The following TRIM54 variants were observed in gnomAD, a reference collection of about 807,000 sequenced individuals.
TRIM54 encodes tripartite motif containing 54.
TRIM54 carries 40 observed loss-of-function variants against 42.0 expected under a neutral mutation model. The ratio of observed to expected loss-of-function variants is 0.95; its 90% CI spans 0.74 to 1.24. The LOEUF is 1.24. Ranked by LOEUF, TRIM54 falls within the 50% of genes most tolerant of loss-of-function variation. The pLI, the probability that TRIM54 is intolerant of heterozygous loss-of-function variation, is 0.00. For synonymous variants in TRIM54, 199 were observed against 194.9 expected (o/e 1.02, Z -0.17); for missense variants, 485 against 480.3 (o/e 1.01, Z -0.09).
chr2:27,286,329 G>T (rs1273456323), intron 1 of TRIM54, among the ~76,000 whole-genome samples: 2 of 151,774 alleles, frequency 1.3e-5, no homozygotes, highest in African/African-American at 4.8e-5. Flanking sequence ...TTTACATAGT[G>T]GCCATCTTAA....
chr2:27,284,407 C>T (rs570887649), intron 1 of TRIM54, among the ~76,000 whole-genome samples: 1 of 152,162 alleles, frequency 6.6e-6, no homozygotes, highest in Admixed American at 6.5e-5. Flanking sequence ...TGCTCTGTGC[C>T]ACCTTCACTG....
Position 27,307,227 on chromosome 2 carries a change from T to G in TRIM54, c.*342T>G. 2.1e-6 allele frequency: 1 copy of G among 470,004 alleles called. No individual in the cohort carries two copies. Among genetic ancestry groups the G allele is most frequent in the Non-Finnish European group, 3.8e-6 (1 of 262,318 alleles). 29.1% of individuals were successfully genotyped at this position (470,004 alleles called of 1,614,324 possible). On this transcript the variant is annotated 3_prime_UTR_variant, in exon 9 of 9. Coordinates refer to ENST00000380075, the MANE Select transcript of TRIM54 (RefSeq NM_187841.3). The surrounding 1 kb of genome is among the most constrained non-coding windows in gnomAD (Gnocchi z 6.9). ...GGCGGTGGTGCCGGGACCTCTGAGG[T>G]CCTGGGGATTTGGGGACCCTTGGGG...
rs112702645 is a variant in TRIM54 at position 27,299,675 on chromosome 2, CCTATCTAT to C, written c.513+293_513+300del. ...ATAGATGTGAGCCACCGCACTCAGC[CCTATCTAT>C]CTATCTATCTATCTATCTATCTATC... On this transcript the variant is annotated intron_variant, in intron 3 of 8. Coordinates refer to ENST00000380075, the MANE Select transcript of TRIM54 (RefSeq NM_187841.3). The C allele has an allele frequency of 3.6e-4, 211 of 579,682 alleles. 1 individual carries two copies. Among genetic ancestry groups the C allele is most frequent in the East Asian group, 1.3e-3 (48 of 36,022 alleles). 35.9% of individuals were successfully genotyped at this position (579,682 alleles called of 1,614,324 possible).
intron 1 of TRIM54, among the ~76,000 whole-genome samples, chr2:27,294,685 A>T (rs957165463): frequency 3.3e-5 from 5 of 151,786 alleles, no homozygotes; most frequent in African/African-American, 1.2e-4. Flanking sequence ...AGGTCAGGAG[A>T]TTGAGACCAT....
chr2:27,303,803 C>T (rs566250436), intron 3 of TRIM54, among the ~76,000 whole-genome samples: 1 of 152,128 alleles, frequency 6.6e-6, no homozygotes, highest in Non-Finnish European at 1.5e-5. Context: ...TTTAGGACCC[C>T]CCACAAAAGC....
At position 27,306,761 on chromosome 2, in the gene TRIM54, T is replaced by A. The variant is rs1311525076; in HGVS notation, c.*2-126T>A. Reference sequence around the variant, plus strand: ...CTCACCCGCTGTTCCTCTGGGGTGCTGGGAGGGCAGGCAAGGCAGGCTGAG... The same window carrying A: ...CTCACCCGCTGTTCCTCTGGGGTGCAGGGAGGGCAGGCAAGGCAGGCTGAG... On this transcript the variant is annotated intron_variant, in intron 8 of 8. Transcript: ENST00000380075. This position sits in a 1 kb window ranked among gnomAD's most constrained non-coding sequence, Gnocchi z 6.1. 5 of 596,818 alleles carry A rather than the reference T, an allele frequency of 8.4e-6. No homozygotes were observed. The highest frequency in any genetic ancestry group is 1.2e-5 in the Non-Finnish European group (4 of 342,162). 37.0% of individuals were successfully genotyped at this position (596,818 alleles called of 1,614,324 possible).
At chr2:27,293,102 T>G (rs1678762771) in intron 1 of TRIM54, among the ~76,000 whole-genome samples, 1 of 152,264 alleles carries the variant, frequency 6.6e-6, no homozygotes, top group Non-Finnish European at 1.5e-5. Flanking sequence ...TATCTGTCCC[T>G]TGTTTGTCAA....
At chr2:27,296,251 T>C (rs1052977531) in intron 1 of TRIM54, among the ~76,000 whole-genome samples, 1 of 152,194 alleles carries the variant, frequency 6.6e-6, no homozygotes, top group Non-Finnish European at 1.5e-5. Context: ...CCAAACTGTC[T>C]TCTGGTTTGT....
intron 1 of TRIM54, among the ~76,000 whole-genome samples, chr2:27,288,840 C>G (rs1237446214): frequency 1.3e-5 from 2 of 152,194 alleles, no homozygotes; most frequent in Non-Finnish European, 2.9e-5. Flanking sequence ...TTCCTCTACA[C>G]ATCACATCAT....
chr2:27,283,770 ACACACACACGCGCG>A (rs1248755961), intron 1 of TRIM54, among the ~76,000 whole-genome samples: 1,288 of 100,484 alleles, frequency 0.013, 30 homozygotes, highest in African/African-American at 0.056. Context: ...AAAGGCACAC[ACACACACACGCGCG>A]CACACACACA....
In TRIM54 at chr2:27,306,557, A is replaced by G. The variant is rs949447038; in HGVS notation, c.*1+15A>G. 1 of 1,532,802 alleles carries G rather than the reference A, an allele frequency of 6.5e-7. No homozygotes were observed. The highest frequency in any genetic ancestry group is 8.8e-7 in the Non-Finnish European group (1 of 1,139,020). 95.0% of individuals were successfully genotyped at this position (1,532,802 alleles called of 1,614,324 possible). A position where few individuals can be genotyped will look rare whatever the true frequency, so the allele number is the denominator to read the frequency against. The stretch of plus-strand genomic sequence containing the variant: ...TGGGCCTTAAGGTGAGAGCCGCCCG[A>G]TGGGCCTTAAGGTGAGAGCGGCCTG... On this transcript the variant is annotated intron_variant, in intron 8 of 8. Transcript: ENST00000380075. The surrounding 1 kb of genome is among the most constrained non-coding windows in gnomAD (Gnocchi z 6.1).
chr2:27,296,463 C>T (rs571501429), intron 1 of TRIM54, among the ~76,000 whole-genome samples: 18 of 152,304 alleles, frequency 1.2e-4, no homozygotes, highest in Admixed American at 6.5e-4. Context: ...GCTTTATTCT[C>T]AAGTGAAAGT....
At chr2:27,305,918 C>G in intron 5 of TRIM54, 101 bp downstream of exon 5, 2 of 1,369,892 alleles carry the variant, frequency 1.5e-6, no homozygotes, top group Non-Finnish European at 2.0e-6. Context: ...ACCTGCTTGC[C>G]CCTACGACCT....
intron 1 of TRIM54, among the ~76,000 whole-genome samples, chr2:27,289,157 AT>A (rs1390030077): frequency 6.6e-6 from 1 of 152,080 alleles, no homozygotes; most frequent in East Asian, 1.9e-4. Context: ...GTAGGGAGTA[AT>A]TTTTTGTGTG....
chr2:27,306,825 G>A lies in TRIM54; in HGVS notation c.*2-62G>A. On this transcript the variant is annotated intron_variant, in intron 8 of 8. Transcript: ENST00000380075. The surrounding 1 kb of genome is among the most constrained non-coding windows in gnomAD (Gnocchi z 6.1). ...CACGTGGCGGGGGACGGAGTGAGCG[G>A]GGCTCGAGCTGCCTCGTGCCTTCGC... 1 of 513,112 alleles carries A rather than the reference G, an allele frequency of 1.9e-6. No individual in the cohort carries two copies. The highest frequency in any genetic ancestry group is 3.4e-6 in the Non-Finnish European group (1 of 290,146). 31.8% of individuals were successfully genotyped at this position (513,112 alleles called of 1,614,324 possible). A position where few individuals can be genotyped will look rare whatever the true frequency, so the allele number is the denominator to read the frequency against.
chr2:27,289,354 T>C (rs1678659059), intron 1 of TRIM54, among the ~76,000 whole-genome samples: 1 of 152,226 alleles, frequency 6.6e-6, no homozygotes, highest in Non-Finnish European at 1.5e-5. Flanking sequence ...GGGGCTCTTG[T>C]TGCCAAGGCT....
Position 27,307,371 on chromosome 2 carries a change from A to G in TRIM54, c.*486A>G. On this transcript the variant is annotated 3_prime_UTR_variant, in exon 9 of 9. Transcript: ENST00000380075. The surrounding 1 kb of genome is among the most constrained non-coding windows in gnomAD (Gnocchi z 6.9). ...TCCCACGGGTTCCCACGCTGCTGTGACTGCCCTGCCTCTACGACAAAAGCC... is the reference window on the plus strand; with the variant it reads ...TCCCACGGGTTCCCACGCTGCTGTGGCTGCCCTGCCTCTACGACAAAAGCC... 1 of 1,344,584 alleles carries G rather than the reference A, an allele frequency of 7.4e-7. No homozygotes were observed. The highest frequency in any genetic ancestry group is 9.9e-7 in the Non-Finnish European group (1 of 1,010,572). The allele number at this position is 1,344,584 out of a possible 1,614,324, so 83.3% of individuals were successfully genotyped here.
In TRIM54 at chr2:27,282,959, C is replaced by A. The variant is rs796749497; in HGVS notation, c.168+60C>A. The A allele has an allele frequency of 2.6e-6, 4 of 1,518,268 alleles. No individual in the cohort carries two copies. In the African/African-American group the frequency reaches 4.2e-5, roughly 16 times the overall value. The allele number at this position is 1,518,268 out of a possible 1,614,324, so 94.0% of individuals were successfully genotyped here. On this transcript the variant is annotated intron_variant, in intron 1 of 8. Transcript: ENST00000380075. ...CAATGCAGACCTGTGGGGGACTGATCAGGTCAGAGCTGAGACCCCAGAAGG... is the reference window on the plus strand; with the variant it reads ...CAATGCAGACCTGTGGGGGACTGATAAGGTCAGAGCTGAGACCCCAGAAGG...
At chr2:27,294,762 C>T (rs1029721652) in intron 1 of TRIM54, among the ~76,000 whole-genome samples, 2 of 151,176 alleles carry the variant, frequency 1.3e-5, no homozygotes, top group Non-Finnish European at 3.0e-5. Flanking sequence ...TAGTGGCAGG[C>T]GCCTGTAGTC....
Sources: allele counts gnomAD v4.1 joint callset (sites outside exome capture counted in the v4.1 genomes callset), GRCh38; gene constraint gnomAD v4.1.1; non-coding constraint Gnocchi (gnomAD v3.1); transcripts MANE v1.5; gene names NCBI Gene and HGNC (gene_info 2026-07-23, HGNC 2026-07-21).